NUDCD2: variants seen among roughly 807,000 people sequenced by gnomAD.
NUDCD2 encodes NudC domain containing 2, also known as nudC domain-containing protein 2.
In NUDCD2, 16 loss-of-function variants were observed where a neutral mutation model predicts 20.8. The ratio of observed to expected loss-of-function variants is 0.77; its 90% confidence interval spans 0.52 to 1.17. NUDCD2 has a LOEUF of 1.17. NUDCD2 is among the 50% of genes most tolerant of loss of function. The probability of loss-of-function intolerance (pLI) is 0.00; values close to 1 mark genes in which losing one functional copy is unlikely to be tolerated. For missense variants in NUDCD2, 199 were observed against 193.9 expected (o/e 1.03, Z -0.16); for synonymous variants, 87 against 72.8 (o/e 1.20, Z -1.00).
In NUDCD2 at chr5:163,450,049, A is replaced by C. The variant is rs900567901; in HGVS notation, c.*3918T>G. 1.3e-5 allele frequency: 2 copies of C among 152,088 alleles called. No individual in the cohort carries two copies. The highest frequency in any genetic ancestry group is 2.9e-5 in the Non-Finnish European group (2 of 68,012). The allele number at this position is 152,088 out of a possible 1,614,324, so 9.4% of individuals were successfully genotyped here. ...CGGGCAGATCCGTTGAGGTCAGTTC[A>C]AGACCAGCCTAGCCTATATGGTGAA... On this transcript the variant is annotated 3_prime_UTR_variant, in exon 4 of 4. Transcript: ENST00000302764.
chr5:163,459,470 C>A (rs1037303336), intron 1 of NUDCD2: 1 of 152,570 alleles, frequency 6.6e-6, no homozygotes, highest in South Asian at 2.1e-4. Flanking sequence ...CTATATTTAT[C>A]TATTTATGAA....
chr5:163,454,529 C>T (rs897900508), intron 3 of NUDCD2, among the ~76,000 whole-genome samples: 5 of 152,046 alleles, frequency 3.3e-5, no homozygotes, highest in African/African-American at 9.7e-5. Flanking sequence ...TTAGTAGACA[C>T]GGGGTTTCTC....
At chr5:163,455,842 CATT>C (rs1282756198) in intron 3 of NUDCD2, among the ~76,000 whole-genome samples, 3 of 151,796 alleles carry the variant, frequency 2.0e-5, no homozygotes, top group East Asian at 1.9e-4. Context: ...TCAGGCAAGA[CATT>C]AGAGGTGGTC....
In NUDCD2 at chr5:163,450,754, C is replaced by T. The variant is rs1389924120; in HGVS notation, c.*3213G>A. On this transcript the variant is annotated 3_prime_UTR_variant, in exon 4 of 4. Coordinates refer to ENST00000302764, the MANE Select transcript of NUDCD2 (RefSeq NM_145266.6). ...ATGTAGCTGCTTTGGGAAACAATGA[C>T]AGCTCCTCAAATGATTAACATAGTT... is the stretch of plus-strand genomic sequence containing the variant. 1 of 152,200 alleles carries T rather than the reference C, an allele frequency of 6.6e-6. No homozygotes were observed. Among genetic ancestry groups the T allele is most frequent in the Non-Finnish European group, 1.5e-5 (1 of 68,022 alleles). The allele number at this position is 152,200 out of a possible 1,614,324, so 9.4% of individuals were successfully genotyped here.
At chr5:163,457,218 G>GC (rs35701880) in intron 2 of NUDCD2, 138 bp from the exon 3 acceptor site, 16,333 of 859,144 alleles carry the variant, frequency 0.019, 240 homozygotes, top group Non-Finnish European at 0.023. Flanking sequence ...TGAAACCTCC[G>GC]CCCCCCGGGT....
At position 163,453,492 on chromosome 5, in the gene NUDCD2, T is replaced by C. The variant is rs1758230906; in HGVS notation, c.*475A>G. On this transcript the variant is annotated 3_prime_UTR_variant, in exon 4 of 4. Coordinates refer to ENST00000302764, the MANE Select transcript of NUDCD2 (RefSeq NM_145266.6). ...TAACTCTTAATTTACTTAAAATACA[T>C]TTATGGACTTTTTCCTTTATTAAAA... 6.5e-6 allele frequency: 1 copy of C among 152,760 alleles called. No homozygotes were observed. Among genetic ancestry groups the C allele is most frequent in the East Asian group, 1.9e-4 (1 of 5,190 alleles). The allele number at this position is 152,760 out of a possible 1,614,324, so 9.5% of individuals were successfully genotyped here.
In NUDCD2 at chr5:163,460,032, C is replaced by A. The variant is rs746060879; in HGVS notation, c.19G>T (p.Glu7Ter). The A allele has an allele frequency of 3.1e-6, 5 of 1,594,490 alleles. No homozygotes were observed. Among genetic ancestry groups the A allele is most frequent in the African/African-American group, 1.4e-5 (1 of 73,910 alleles). The change falls in exon 1 of 4, where the codon GAG becomes TAG. Residue 7 changes from glutamate (E) to a stop codon, truncating the protein, a stop_gained. Coordinates refer to ENST00000302764, the MANE Select transcript of NUDCD2 (RefSeq NM_145266.6). LOFTEE classifies it high-confidence loss of function. ...CCGCACGGTACCACCCCACTCCGCT[C>A]CTCAAACGGGGCCGACATAATCCAG... The part of the protein sequence containing the change: MSAPFE[E>*]RSGVVPCGTP...
In NUDCD2 at chr5:163,452,551, G is replaced by A. The variant is rs553900843; in HGVS notation, c.*1416C>T. The A allele has an allele frequency of 7.2e-5, 11 of 152,032 alleles. No individual in the cohort carries two copies. In the East Asian group the frequency reaches 1.7e-3, roughly 24 times the overall value. 9.4% of individuals were successfully genotyped at this position (152,032 alleles called of 1,614,324 possible). A position where few individuals can be genotyped will look rare whatever the true frequency, so the allele number is the denominator to read the frequency against. ...GAAAATAATGAGTTTATAGAGATACGATAAATTTAAAGTCTGATCAGAAAC... is the reference window on the plus strand; with the variant it reads ...GAAAATAATGAGTTTATAGAGATACAATAAATTTAAAGTCTGATCAGAAAC... On this transcript the variant is annotated 3_prime_UTR_variant, in exon 4 of 4. Coordinates refer to ENST00000302764, the MANE Select transcript of NUDCD2 (RefSeq NM_145266.6).
At position 163,449,455 on chromosome 5, in the gene NUDCD2, G is replaced by A. The variant is rs938236451; in HGVS notation, c.*4512C>T. 1.3e-5 allele frequency: 2 copies of A among 152,178 alleles called. No homozygotes were observed. The highest frequency in any genetic ancestry group is 4.8e-5 in the African/African-American group (2 of 41,432). 9.4% of individuals were successfully genotyped at this position (152,178 alleles called of 1,614,324 possible). On this transcript the variant is annotated 3_prime_UTR_variant, in exon 4 of 4. Coordinates refer to ENST00000302764, the MANE Select transcript of NUDCD2 (RefSeq NM_145266.6). ...ATGCTGAAAAATGACATAAAATGCTGATAACTGAAATGAAAGAGGTCCTAA... is the reference window on the plus strand; with the variant it reads ...ATGCTGAAAAATGACATAAAATGCTAATAACTGAAATGAAAGAGGTCCTAA...
In NUDCD2 at chr5:163,457,016, A is replaced by T. The variant is rs1435707533; in HGVS notation, c.303T>A (p.Thr101=). The stretch of plus-strand genomic sequence containing the variant: ...CTGCATATTCAGATTCTAGTAGAGA[A>T]GTCCAACAATTTGCTGCATCTCTCT... ...KTKRDAANCW[T]SLLESEYAAD... The change falls in exon 3 of 4, where the codon ACT becomes ACA. Residue 101 remains threonine (T), a synonymous_variant. Coordinates refer to ENST00000302764, the MANE Select transcript of NUDCD2 (RefSeq NM_145266.6). 1.2e-5 allele frequency: 19 copies of T among 1,613,458 alleles called. No homozygotes were observed. Among genetic ancestry groups the T allele is most frequent in the Non-Finnish European group, 1.5e-5 (18 of 1,179,764 alleles).
intron 3 of NUDCD2, among the ~76,000 whole-genome samples, chr5:163,455,184 T>C (rs1282492513): frequency 6.6e-6 from 1 of 151,610 alleles, no homozygotes; most frequent in Non-Finnish European, 1.5e-5. Context: ...TAAAATTATA[T>C]TTAAATGGGA....
rs1758202733 is a variant in NUDCD2 at position 163,452,511 on chromosome 5, C to G, written c.*1456G>C. 1 of 151,886 alleles carries G rather than the reference C, an allele frequency of 6.6e-6. No homozygotes were observed. The highest frequency in any genetic ancestry group is 2.4e-5 in the African/African-American group (1 of 41,352). 9.4% of individuals were successfully genotyped at this position (151,886 alleles called of 1,614,324 possible). A position where few individuals can be genotyped will look rare whatever the true frequency, so the allele number is the denominator to read the frequency against. The stretch of plus-strand genomic sequence containing the variant: ...ATGTAATGATAATAGGTTTTTTAAC[C>G]TGCTGAATAAAATAGAAAATAATGA... On this transcript the variant is annotated 3_prime_UTR_variant, in exon 4 of 4. Coordinates refer to ENST00000302764, the MANE Select transcript of NUDCD2 (RefSeq NM_145266.6).
At chr5:163,455,632 C>CG (rs1384632116) in intron 3 of NUDCD2, among the ~76,000 whole-genome samples, 1 of 150,650 alleles carries the variant, frequency 6.6e-6, no homozygotes, top group African/African-American at 2.4e-5. Context: ...TGCGTGGTGG[C>CG]GGGAGCCTAC....
Position 163,460,088 on chromosome 5 carries a change from G to C in NUDCD2, c.-38C>G, listed in dbSNP as rs765946124. On this transcript the variant is annotated 5_prime_UTR_variant, in exon 1 of 4. Coordinates refer to ENST00000302764, the MANE Select transcript of NUDCD2 (RefSeq NM_145266.6). ...CCCGGCCGCGGCCGCACCAGGCGGA[G>C]CCGAGCGCACGCGCGGAATCCCACG... The C allele has an allele frequency of 2.3e-5, 35 of 1,504,778 alleles. No homozygotes were observed. In the South Asian group the frequency reaches 3.8e-4, roughly 16 times the overall value. The allele number at this position is 1,504,778 out of a possible 1,614,324, so 93.2% of individuals were successfully genotyped here. A position where few individuals can be genotyped will look rare whatever the true frequency, so the allele number is the denominator to read the frequency against.
At chr5:163,454,914 C>T (rs1431930258) in intron 3 of NUDCD2, among the ~76,000 whole-genome samples, 1 of 152,154 alleles carries the variant, frequency 6.6e-6, no homozygotes, top group African/African-American at 2.4e-5. Flanking sequence ...AACCATAAAT[C>T]AACCAGTACA....
Position 163,459,876 on chromosome 5 carries a change from G to A in NUDCD2, c.175C>T (p.Arg59Cys). Reference protein sequence around the residue: ...SRHVALSVGGREILKGKLFDS... With the variant: ...SRHVALSVGGCEILKGKLFDS... ...GCTGCCGCTACCTTGAGGATCTCGC[G>A]GCCGCCCACCGACAGCGCCACATGC... Residue 59 changes from arginine to cysteine, a missense_variant, in exon 1 of 4, where the codon CGC becomes TGC. By Grantham distance (180) the Arg-to-Cys change is radical. Transcript: ENST00000302764. 2 of 1,604,332 alleles carry A rather than the reference G, an allele frequency of 1.2e-6. No homozygotes were observed. Among genetic ancestry groups the A allele is most frequent in the Non-Finnish European group, 1.7e-6 (2 of 1,175,834 alleles).
At chr5:163,454,967 G>T (rs1758267265) in intron 3 of NUDCD2, among the ~76,000 whole-genome samples, 1 of 152,166 alleles carries the variant, frequency 6.6e-6, no homozygotes, top group African/African-American at 2.4e-5. Context: ...AAATATGTTA[G>T]GCTTTGCAGT....
chr5:163,446,625 T>A lies in NUDCD2; in HGVS notation c.*7342A>T, dbSNP rs1758043954. On this transcript the variant is annotated 3_prime_UTR_variant, in exon 4 of 4. Coordinates refer to ENST00000302764, the MANE Select transcript of NUDCD2 (RefSeq NM_145266.6). The stretch of plus-strand genomic sequence containing the variant: ...AATAACAACACTCAATTTATTTCTC[T>A]ATACTAATAACTTTGATAAAATGTT... 6.6e-6 allele frequency: 1 copy of A among 152,258 alleles called. No homozygotes were observed. The allele number at this position is 152,258 out of a possible 1,614,324, so 9.4% of individuals were successfully genotyped here. A position where few individuals can be genotyped will look rare whatever the true frequency, so the allele number is the denominator to read the frequency against.
Position 163,453,358 on chromosome 5 carries a change from C to T in NUDCD2, c.*609G>A, listed in dbSNP as rs1185938562. On this transcript the variant is annotated 3_prime_UTR_variant, in exon 4 of 4. Coordinates refer to ENST00000302764, the MANE Select transcript of NUDCD2 (RefSeq NM_145266.6). ...GACTCACCTAATTACCATGATCACA[C>T]TTCTCTTTTGTGTTAATCCACTTCT... 3.3e-5 allele frequency: 5 copies of T among 152,166 alleles called. No individual in the cohort carries two copies. The highest frequency in any genetic ancestry group is 9.7e-5 in the African/African-American group (4 of 41,440). The allele number at this position is 152,166 out of a possible 1,614,324, so 9.4% of individuals were successfully genotyped here.
Sources: gnomAD v4.1 joint callset for allele counts (sites outside exome capture counted in the v4.1 genomes callset) on GRCh38, gnomAD v4.1.1 for gene constraint, MANE v1.5 for transcripts, NCBI Gene and HGNC (gene_info 2026-07-23, HGNC 2026-07-21) for gene names.